The following SLC8A1 variants were observed in gnomAD, a reference collection of about 807,000 sequenced individuals.
SLC8A1 encodes solute carrier family 8 member A1, also known as sodium/calcium exchanger 1.
In SLC8A1, 18 loss-of-function variants were observed where a neutral mutation model predicts 68.3. That is an observed-to-expected ratio of 0.26 (90% CI 0.18 to 0.39). The LOEUF (loss-of-function observed/expected upper bound fraction) is 0.39, where lower values mean the gene tolerates loss of function less well. Among genes scored for constraint, SLC8A1 ranks in the 10% least tolerant of loss-of-function variants. SLC8A1 has a pLI of 1.00. For synonymous variants in SLC8A1, 475 were observed against 415.5 expected, an observed-to-expected ratio of 1.14 and a Z score of -1.74; for missense variants, 985 against 1,156.7, an observed-to-expected ratio of 0.85 and a Z score of 2.15.
intron 6 of SLC8A1, among the ~76,000 whole-genome samples, chr2:40,147,735 G>C (rs766556455): frequency 1.3e-4 from 20 of 152,120 alleles, no homozygotes; most frequent in Non-Finnish European, 2.8e-4. Flanking sequence ...TGTATATAAA[G>C]GGTAAATGTA....
intron 2 of SLC8A1, among the ~76,000 whole-genome samples, chr2:40,205,921 A>C (rs899080761): frequency 1.3e-5 from 2 of 151,930 alleles, no homozygotes; most frequent in Non-Finnish European, 2.9e-5. Flanking sequence ...ACGTTTTCCT[A>C]CCTAGAAAGG....
At chr2:40,396,237 C>G (rs1455669642) in intron 2 of SLC8A1, among the ~76,000 whole-genome samples, 1 of 152,070 alleles carries the variant, frequency 6.6e-6, no homozygotes, top group Non-Finnish European at 1.5e-5. Flanking sequence ...CTAAGCATGA[C>G]CATTCTTCCC....
intron 2 of SLC8A1, among the ~76,000 whole-genome samples, chr2:40,333,864 C>G (rs535160682): frequency 6.6e-6 from 1 of 152,206 alleles, no homozygotes; most frequent in African/African-American, 2.4e-5. Context: ...GCCGGACCAA[C>G]ATGGTGAAAC....
intron 2 of SLC8A1, among the ~76,000 whole-genome samples, chr2:40,315,154 G>T (rs2074264073): frequency 1.3e-5 from 2 of 151,932 alleles, no homozygotes; most frequent in Admixed American, 1.3e-4. Context: ...TTAGGTTGAA[G>T]AAGTTCCCAC....
intron 1 of SLC8A1, among the ~76,000 whole-genome samples, chr2:40,485,265 C>G (rs1244760642): frequency 6.6e-6 from 1 of 152,096 alleles, no homozygotes; most frequent in Non-Finnish European, 1.5e-5. Context: ...GGACATTCTG[C>G]TTTCTAAATT....
chr2:40,420,883 T>G (rs1295833770), intron 2 of SLC8A1, among the ~76,000 whole-genome samples: 1 of 152,184 alleles, frequency 6.6e-6, no homozygotes, highest in Admixed American at 6.6e-5. Flanking sequence ...TGCTGAATTC[T>G]GGATCCACCC....
chr2:40,395,480 C>A (rs1247607228), intron 2 of SLC8A1, among the ~76,000 whole-genome samples: 1 of 152,074 alleles, frequency 6.6e-6, no homozygotes, highest in African/African-American at 2.4e-5. Context: ...TTTCTCAAGT[C>A]AAATCCGAAG....
intron 2 of SLC8A1, among the ~76,000 whole-genome samples, chr2:40,302,617 AC>A: frequency 6.6e-6 from 1 of 150,514 alleles, no homozygotes; most frequent in African/African-American, 2.4e-5. Flanking sequence ...TATATATAAA[AC>A]AATTTCTTTA....
intron 6 of SLC8A1, among the ~76,000 whole-genome samples, chr2:40,151,255 C>A (rs942402595): frequency 1.4e-5 from 2 of 138,042 alleles, no homozygotes; most frequent in South Asian, 2.6e-4. Context: ...TGAAACATGG[C>A]GTGTGTATGG....
chr2:40,164,767 G>C, intron 5 of SLC8A1, 87 bp downstream of exon 8: 1 of 1,522,098 alleles, frequency 6.6e-7, no homozygotes, highest in Non-Finnish European at 8.9e-7. Context: ...ACTCTTTCCA[G>C]GTGGATCTTA....
intron 6 of SLC8A1, among the ~76,000 whole-genome samples, chr2:40,144,712 A>T (rs2042142522): frequency 6.6e-6 from 1 of 152,148 alleles, no homozygotes; most frequent in Non-Finnish European, 1.5e-5. Context: ...GGGACCAAGA[A>T]AACATGGGAA....
intron 1 of SLC8A1, among the ~76,000 whole-genome samples, chr2:40,449,313 C>A (rs1702016549): frequency 6.6e-6 from 1 of 152,096 alleles, no homozygotes. Flanking sequence ...CACAGCTTTT[C>A]TCATCATTTA....
At chr2:40,210,039 AT>A (rs2056294888) in intron 2 of SLC8A1, 1 of 152,202 alleles carries the variant, frequency 6.6e-6, no homozygotes, top group East Asian at 1.9e-4. Context: ...GAGAATGTAT[AT>A]TTGCTAGTTC....
intron 2 of SLC8A1, among the ~76,000 whole-genome samples, chr2:40,384,728 G>A (rs765804380): frequency 1.3e-5 from 2 of 151,944 alleles, no homozygotes; most frequent in African/African-American, 2.4e-5. Context: ...AAAGCCTTTC[G>A]AAACCAAAAA....
At chr2:40,373,723 TACAA>T (rs1372915947) in intron 2 of SLC8A1, among the ~76,000 whole-genome samples, 6 of 152,040 alleles carry the variant, frequency 3.9e-5, no homozygotes, top group African/African-American at 1.2e-4. Flanking sequence ...TTTTCCTTCC[TACAA>T]ACAAACAGTA....
intron 2 of SLC8A1, among the ~76,000 whole-genome samples, chr2:40,267,844 A>G (rs1403050037): frequency 3.3e-5 from 5 of 152,184 alleles, no homozygotes; most frequent in African/African-American, 1.2e-4. Flanking sequence ...TGTTTTGCAG[A>G]GAGTCCCTTC....
At chr2:40,284,721 C>T (rs1324249205) in intron 2 of SLC8A1, among the ~76,000 whole-genome samples, 1 of 151,224 alleles carries the variant, frequency 6.6e-6, no homozygotes, top group Non-Finnish European at 1.5e-5. Flanking sequence ...TTCTAAATTC[C>T]TAAGTGTAGT....
At chr2:40,130,349 C>T (rs1308053838) in intron 7 of SLC8A1, among the ~76,000 whole-genome samples, 2 of 152,244 alleles carry the variant, frequency 1.3e-5, no homozygotes, top group African/African-American at 2.4e-5. Flanking sequence ...AAATGTTTGC[C>T]TTTGCAGGCT....
intron 1 of SLC8A1, among the ~76,000 whole-genome samples, chr2:40,487,985 C>T (rs79359200): frequency 0.014 from 2,102 of 152,114 alleles, 20 homozygotes; most frequent in Non-Finnish European, 0.023. Flanking sequence ...TAAAAATAAT[C>T]ATAAGTGGGG....
Sources: gnomAD v4.1 joint callset for allele counts (sites outside exome capture counted in the v4.1 genomes callset) on GRCh38, gnomAD v4.1.1 for gene constraint, MANE v1.5 for transcripts, NCBI Gene and HGNC (gene_info 2026-07-23, HGNC 2026-07-21) for gene names.